PRKCA: variants seen among roughly 807,000 people sequenced by gnomAD.
The protein encoded by PRKCA is protein kinase C alpha type.
A neutral mutation model predicts 87.0 loss-of-function variants in PRKCA; 27 were observed. The observed-to-expected ratio is 0.31, with a 90% CI of 0.23 to 0.43. The LOEUF is 0.43. Among genes scored for constraint, PRKCA ranks in the 20% least tolerant of loss-of-function variants. The pLI is 1.00. For synonymous variants in PRKCA, 329 were observed against 311.1 expected, an observed-to-expected ratio of 1.06 and a Z score of -0.61; for missense variants, 518 against 852.3, an observed-to-expected ratio of 0.61 and a Z score of 4.88.
At chr17:66,802,273 A>G (rs1568044171) in intron 16 of PRKCA, among the ~76,000 whole-genome samples, 1 of 152,146 alleles carries the variant, frequency 6.6e-6, no homozygotes, top group South Asian at 2.1e-4. Context: ...TGTCATAAAG[A>G]CCTTACTTTG....
intron 3 of PRKCA, among the ~76,000 whole-genome samples, chr17:66,567,479 C>T (rs1430676179): frequency 6.6e-6 from 1 of 152,200 alleles, no homozygotes; most frequent in African/African-American, 2.4e-5. Context: ...AGGCCACAGG[C>T]AGGTCTGTCT....
Position 66,804,866 on chromosome 17 carries a change from C to A in PRKCA, c.*829C>A. On this transcript the variant is annotated 3_prime_UTR_variant, in exon 17 of 17. Transcript: ENST00000413366. ...GGAGATTATTTTTCCATCCAGGGTG[C>A]CATCAGTAATCATGCCACTACTCAC... The A allele has an allele frequency of 3.4e-6, 1 of 295,746 alleles. No homozygotes were observed. Among genetic ancestry groups the A allele is most frequent in the Non-Finnish European group, 5.0e-6 (1 of 199,472 alleles). The allele number at this position is 295,746 out of a possible 1,614,324, so 18.3% of individuals were successfully genotyped here. A position where few individuals can be genotyped will look rare whatever the true frequency, so the allele number is the denominator to read the frequency against.
At chr17:66,747,082 T>C (rs1249995338) in intron 13 of PRKCA, among the ~76,000 whole-genome samples, 3 of 152,202 alleles carry the variant, frequency 2.0e-5, no homozygotes, top group African/African-American at 4.8e-5. Flanking sequence ...AAGAACTTTA[T>C]TTTTTTAAAG....
chr17:66,561,585 C>T (rs945915359), intron 3 of PRKCA, among the ~76,000 whole-genome samples: 1 of 152,022 alleles, frequency 6.6e-6, no homozygotes, highest in Non-Finnish European at 1.5e-5. Context: ...AAGAGGGTCT[C>T]GAAGAGATAC....
intron 5 of PRKCA, among the ~76,000 whole-genome samples, chr17:66,667,530 T>C (rs757532348): frequency 6.6e-6 from 1 of 152,158 alleles, no homozygotes; most frequent in Non-Finnish European, 1.5e-5. Flanking sequence ...AAGAACAGCA[T>C]GGAGGTAACT....
chr17:66,533,390 C>T (rs1967637419), intron 3 of PRKCA, among the ~76,000 whole-genome samples: 1 of 152,236 alleles, frequency 6.6e-6, no homozygotes, highest in South Asian at 2.1e-4. Context: ...TGTTTTACTG[C>T]ATCCCTTTTT....
At chr17:66,455,613 A>G (rs1442269024) in intron 2 of PRKCA, among the ~76,000 whole-genome samples, 1 of 152,246 alleles carries the variant, frequency 6.6e-6, no homozygotes, top group Non-Finnish European at 1.5e-5. Context: ...TCATCCATCA[A>G]CTTAGTGGAC....
intron 2 of PRKCA, among the ~76,000 whole-genome samples, chr17:66,356,168 G>C (rs752172821): frequency 6.6e-6 from 1 of 151,980 alleles, no homozygotes; most frequent in Non-Finnish European, 1.5e-5. Context: ...CAAAGTGCTG[G>C]GATTATAGGC....
intron 2 of PRKCA, among the ~76,000 whole-genome samples, chr17:66,492,862 G>C (rs1045296143): frequency 3.9e-5 from 6 of 152,184 alleles, no homozygotes; most frequent in Non-Finnish European, 8.8e-5. Context: ...GTGCTGCCTG[G>C]GCAGCCAAGA....
At chr17:66,391,861 C>G (rs528755400) in intron 2 of PRKCA, among the ~76,000 whole-genome samples, 271 of 152,268 alleles carry the variant, frequency 1.8e-3, no homozygotes, top group Non-Finnish European at 2.9e-3. Context: ...ACAGCCTCCT[C>G]TTGCGCTAGA....
intron 3 of PRKCA, among the ~76,000 whole-genome samples, chr17:66,544,519 C>A (rs1036317614): frequency 6.6e-6 from 1 of 152,062 alleles, no homozygotes; most frequent in Non-Finnish European, 1.5e-5. Context: ...GAGGTTACTC[C>A]CTTACATTGA....
intron 3 of PRKCA, among the ~76,000 whole-genome samples, chr17:66,557,977 A>G (rs898848519): frequency 1.8e-4 from 27 of 152,166 alleles, no homozygotes; most frequent in African/African-American, 6.3e-4. Context: ...CTGCCAGCAA[A>G]TGTACTCGTT....
intron 2 of PRKCA, among the ~76,000 whole-genome samples, chr17:66,439,305 C>T (rs56874823): frequency 0.15 from 23,328 of 151,960 alleles, 1,932 homozygotes; most frequent in Admixed American, 0.23. Flanking sequence ...CTCAGCCTCC[C>T]GAGTAGCTGG....
At chr17:66,358,979 A>C (rs114551329) in intron 2 of PRKCA, among the ~76,000 whole-genome samples, 1,654 of 152,202 alleles carry the variant, frequency 0.011, 36 homozygotes, top group African/African-American at 0.038. Context: ...TAATGAAATC[A>C]GGTTAAAATT....
intron 2 of PRKCA, among the ~76,000 whole-genome samples, chr17:66,480,593 C>T (rs931279892): frequency 1.1e-4 from 16 of 152,166 alleles, no homozygotes; most frequent in African/African-American, 3.1e-4. Flanking sequence ...CCTCAGATTT[C>T]AGAAGAAACA....
chr17:66,703,659 G>A (rs761661537), intron 8 of PRKCA: 7 of 152,120 alleles, frequency 4.6e-5, no homozygotes, highest in Admixed American at 6.5e-5. Context: ...GCCAGGCATG[G>A]TGGTGAGAGC....
At chr17:66,798,583 G>A (rs1598953678) in intron 16 of PRKCA, among the ~76,000 whole-genome samples, 2 of 148,316 alleles carry the variant, frequency 1.3e-5, no homozygotes, top group Non-Finnish European at 3.0e-5. Context: ...TGGTGATGGT[G>A]GTGGTGGTGG....
intron 8 of PRKCA, among the ~76,000 whole-genome samples, chr17:66,699,505 A>G (rs1334004796): frequency 6.6e-6 from 1 of 152,264 alleles, no homozygotes; most frequent in Non-Finnish European, 1.5e-5. Context: ...GAGTAGGCCA[A>G]TAATGAGTAA....
At chr17:66,450,431 G>A (rs937591947) in intron 2 of PRKCA, among the ~76,000 whole-genome samples, 6 of 152,178 alleles carry the variant, frequency 3.9e-5, no homozygotes, top group African/African-American at 9.7e-5. Context: ...ATGAATGAAC[G>A]TGGGTCCCCA....
Sources: gnomAD v4.1 joint callset for allele counts (sites outside exome capture counted in the v4.1 genomes callset) on GRCh38, gnomAD v4.1.1 for gene constraint, MANE v1.5 for transcripts, NCBI Gene and HGNC (gene_info 2026-07-23, HGNC 2026-07-21) for gene names.